The following NBEA variants were observed in gnomAD, a reference collection of about 807,000 sequenced individuals.
NBEA encodes the protein lysosomal-trafficking regulator 2.
A neutral mutation model predicts 343.4 loss-of-function variants in NBEA; 44 were observed. The observed-to-expected ratio is 0.13, with a 90% CI of 0.10 to 0.16. NBEA has a LOEUF of 0.16. Among genes scored for constraint, NBEA ranks in the 10% least tolerant of loss-of-function variants. The pLI, the probability that NBEA is intolerant of heterozygous loss-of-function variation, is 1.00. For synonymous variants in NBEA, 1,175 were observed against 1,238.7 expected, an observed-to-expected ratio of 0.95 and a Z score of 1.08; for missense variants, 2,555 against 3,631.3, an observed-to-expected ratio of 0.70 and a Z score of 7.62.
chr13:35,434,470 A>G (rs868586716), intron 39 of NBEA, among the ~76,000 whole-genome samples: 1 of 152,192 alleles, frequency 6.6e-6, no homozygotes, highest in Non-Finnish European at 1.5e-5. Flanking sequence ...TATTATACCT[A>G]TTAAGAACAA....
chr13:35,372,175 G>T (rs1022314580), intron 38 of NBEA, among the ~76,000 whole-genome samples: 5 of 152,202 alleles, frequency 3.3e-5, no homozygotes, highest in South Asian at 4.1e-4. Context: ...GGTTCCCTGG[G>T]CAGTGGGCGT....
Position 35,159,755 on chromosome 13 carries a change from A to G in NBEA, c.3584A>G (p.Asp1195Gly), listed in dbSNP as rs1173812981. The G allele has an allele frequency of 2.5e-6, 4 of 1,613,304 alleles. No homozygotes were observed. Among genetic ancestry groups the G allele is most frequent in the Admixed American group, 3.3e-5 (2 of 59,870 alleles). ...GLLAHMTGSV[D>G]LTCTSSIIEE... is the part of the protein sequence containing the mutation. ...CTTGCTCACATGACCGGTAGCGTAGACTTAACTTGTACATCCAGTATAATA... is the reference window on the plus strand; with the variant it reads ...CTTGCTCACATGACCGGTAGCGTAGGCTTAACTTGTACATCCAGTATAATA... The change falls in exon 22 of 59, where the codon GAC becomes GGC. Residue 1195 changes from aspartate to glycine, a missense_variant. Physicochemically the swap from Asp to Gly is moderately conservative, Grantham distance 94. Coordinates refer to ENST00000379939, the MANE Select transcript of NBEA (RefSeq NM_001385012.1).
chr13:35,649,154 G>A (rs1039443857), intron 51 of NBEA, among the ~76,000 whole-genome samples: 9 of 152,136 alleles, frequency 5.9e-5, no homozygotes, highest in South Asian at 2.1e-4. Context: ...CCAGGGAAGC[G>A]CTCGGCTGCT....
intron 41 of NBEA, among the ~76,000 whole-genome samples, chr13:35,501,013 C>A (rs538531984): frequency 6.6e-6 from 1 of 152,046 alleles, no homozygotes; most frequent in Non-Finnish European, 1.5e-5. Context: ...CAGTTCCATG[C>A]GTGGGATATC....
At position 35,550,520 on chromosome 13, in the gene NBEA, G is replaced by A. The variant is rs1376459582; in HGVS notation, c.6629G>A (p.Ser2210Asn). Residue 2210 changes from serine (S) to asparagine (N), a missense_variant, in exon 42 of 59, where the codon AGC becomes AAC. Physicochemically the swap from Ser to Asn is conservative, Grantham distance 46 (BLOSUM62 1). Transcript: ENST00000379939. ...GGACTTCACGGAAAATGGATGTTCA[G>A]CGAGATACGAGCTGTATTTTCAAGA... The part of the protein sequence containing the change: ...TEGLHGKWMF[S>N]EIRAVFSRRY... 1 of 1,613,324 alleles carries A rather than the reference G, an allele frequency of 6.2e-7. No homozygotes were observed. Among genetic ancestry groups the A allele is most frequent in the East Asian group, 2.2e-5 (1 of 44,820 alleles).
intron 1 of NBEA, among the ~76,000 whole-genome samples, chr13:35,016,990 C>A (rs561291852): frequency 6.6e-6 from 1 of 152,082 alleles, no homozygotes; most frequent in Non-Finnish European, 1.5e-5. Flanking sequence ...AAGATTTATT[C>A]AGGTTTTGTC....
intron 35 of NBEA, among the ~76,000 whole-genome samples, chr13:35,301,170 G>GT (rs549172552): frequency 0.046 from 6,528 of 142,658 alleles, 166 homozygotes; most frequent in Middle Eastern, 0.14. Context: ...TCCACAATAT[G>GT]TTTTTTTTTT....
intron 55 of NBEA, among the ~76,000 whole-genome samples, chr13:35,659,432 G>A (rs1021868300): frequency 6.6e-6 from 1 of 152,106 alleles, no homozygotes; most frequent in African/African-American, 2.4e-5. Flanking sequence ...TTATTATATT[G>A]TAATAGATAG....
intron 38 of NBEA, among the ~76,000 whole-genome samples, chr13:35,427,091 G>T (rs140609165): frequency 3.9e-4 from 60 of 152,158 alleles, no homozygotes; most frequent in African/African-American, 1.4e-3. Context: ...TCCTCCTGTA[G>T]CTCAGAGTAG....
At chr13:35,122,566 G>A (rs1319459660) in intron 16 of NBEA, among the ~76,000 whole-genome samples, 1 of 123,500 alleles carries the variant, frequency 8.1e-6, no homozygotes, top group African/African-American at 3.1e-5. Context: ...ACCGGGGCCT[G>A]TTGTGGGGTC....
chr13:35,048,634 G>A lies in NBEA; in HGVS notation c.795G>A (p.Met265Ile), dbSNP rs865838225. Residue 265 changes from methionine (M) to isoleucine (I), a missense_variant, in exon 5 of 59, where the codon ATG (methionine) becomes ATA (isoleucine). By Grantham distance (10) the Met-to-Ile change is conservative. Coordinates refer to ENST00000379939, the MANE Select transcript of NBEA (RefSeq NM_001385012.1). ...NGFTLNTWFR[M>I]DPLNNINVDK... ...TCACCTTAAACACTTGGTTTCGTAT[G>A]GATCCATTAAATAATATTAATGTTG... The A allele has an allele frequency of 6.7e-7, 1 of 1,497,324 alleles. No individual in the cohort carries two copies. Among genetic ancestry groups the A allele is most frequent in the Non-Finnish European group, 9.3e-7 (1 of 1,078,696 alleles). 92.8% of individuals were successfully genotyped at this position (1,497,324 alleles called of 1,614,324 possible). A position where few individuals can be genotyped will look rare whatever the true frequency, so the allele number is the denominator to read the frequency against.
At chr13:35,083,558 T>A (rs1357053840) in intron 10 of NBEA, among the ~76,000 whole-genome samples, 1 of 152,056 alleles carries the variant, frequency 6.6e-6, no homozygotes. Flanking sequence ...AAGCAAATGC[T>A]GAGAGATTTT....
chr13:35,537,193 C>T (rs1312649528), intron 41 of NBEA, among the ~76,000 whole-genome samples: 2 of 152,012 alleles, frequency 1.3e-5, no homozygotes, highest in African/African-American at 4.8e-5. Context: ...CTCCAATAAA[C>T]CACATTTTTT....
intron 34 of NBEA, among the ~76,000 whole-genome samples, chr13:35,279,984 T>G (rs2034930668): frequency 6.6e-6 from 1 of 152,192 alleles, no homozygotes; most frequent in Non-Finnish European, 1.5e-5. Context: ...TAAAGGACAA[T>G]TTTAACATAT....
At chr13:35,158,980 CA>C (rs746395744) in intron 21 of NBEA, 35 bp from the exon 22 acceptor site, 162 of 1,495,608 alleles carry the variant, frequency 1.1e-4, no homozygotes, top group Non-Finnish European at 1.3e-4. Context: ...TTGATATGTA[CA>C]AAATGCCTTA....
At chr13:35,610,810 G>C (rs1367104622) in intron 48 of NBEA, among the ~76,000 whole-genome samples, 2 of 151,874 alleles carry the variant, frequency 1.3e-5, no homozygotes, top group Non-Finnish European at 2.9e-5. Context: ...AAAGGACTAG[G>C]ATCTAAAATA....
chr13:35,583,856 AAT>A (rs760888806), intron 45 of NBEA, 40 bp from the exon 46 acceptor site: 1 of 1,448,056 alleles, frequency 6.9e-7, no homozygotes, highest in Admixed American at 1.9e-5. Context: ...TAGGATATCT[AAT>A]ATGACTGTAT....
intron 39 of NBEA, among the ~76,000 whole-genome samples, chr13:35,451,198 A>G (rs183654718): frequency 6.6e-6 from 1 of 152,172 alleles, no homozygotes; most frequent in Admixed American, 6.5e-5. Context: ...ATCTCGGCTC[A>G]CTGCAAGCTC....
chr13:35,181,946 G>A (rs1205728882), intron 28 of NBEA, among the ~76,000 whole-genome samples: 1 of 151,498 alleles, frequency 6.6e-6, no homozygotes, highest in Non-Finnish European at 1.5e-5. Flanking sequence ...ATGTATTTCA[G>A]TTGGAGTTTT....
Sources: gnomAD v4.1 joint callset for allele counts (sites outside exome capture counted in the v4.1 genomes callset) on GRCh38, gnomAD v4.1.1 for gene constraint, MANE v1.5 for transcripts, NCBI Gene and HGNC (gene_info 2026-07-23, HGNC 2026-07-21) for gene names.